Variants in STK32B observed in about 807,000 individuals in gnomAD.
STK32B encodes the protein serine/threonine-protein kinase 32B.
STK32B carries 43 observed loss-of-function variants against 52.6 expected under a neutral mutation model. The ratio of observed to expected loss-of-function variants is 0.82; its 90% confidence interval spans 0.64 to 1.05. The LOEUF is 1.05. Ranked by LOEUF, STK32B falls within the 50% of genes least tolerant of loss-of-function variation. The pLI is 0.00. For synonymous variants in STK32B, 238 were observed against 204.3 expected (o/e 1.17, Z -1.41); for missense variants, 621 against 534.6 (o/e 1.16, Z -1.59).
At chr4:5,019,959 C>T in the STK32B span, among the ~76,000 whole-genome samples, 1 of 152,168 alleles carries the variant, frequency 6.6e-6, no homozygotes, top group Admixed American at 6.5e-5. Context: ...GAGCTGCGGT[C>T]AGGCCACCGG....
chr4:5,369,131 G>T (rs1369971883), intron 4 of STK32B, among the ~76,000 whole-genome samples: 2 of 151,784 alleles, frequency 1.3e-5, no homozygotes, highest in African/African-American at 4.8e-5. Flanking sequence ...TGAAGATCTG[G>T]CTGACACTTA....
At chr4:5,166,502 C>T (rs1718880159) in intron 2 of STK32B, among the ~76,000 whole-genome samples, 1 of 147,398 alleles carries the variant, frequency 6.8e-6, no homozygotes, top group African/African-American at 2.5e-5. Context: ...GGGCCTAAGT[C>T]TACTCTGACT....
chr4:5,252,597 A>G (rs1040589978), intron 3 of STK32B, among the ~76,000 whole-genome samples: 1 of 152,088 alleles, frequency 6.6e-6, no homozygotes, highest in Non-Finnish European at 1.5e-5. Context: ...TGTCCACTCT[A>G]TTACACTTAG....
chr4:5,245,359 G>A (rs532138132), intron 3 of STK32B, among the ~76,000 whole-genome samples: 2 of 151,934 alleles, frequency 1.3e-5, no homozygotes, highest in African/African-American at 4.8e-5. Context: ...TTTTGATCTT[G>A]GTTGGTTTAA....
chr4:5,374,422 A>G (rs1019069987), intron 4 of STK32B, among the ~76,000 whole-genome samples: 4 of 152,246 alleles, frequency 2.6e-5, no homozygotes, highest in African/African-American at 4.8e-5. Flanking sequence ...AGAGTTTGTC[A>G]TAAATATAAG....
chr4:5,331,913 TAC>T (rs1244780895), intron 4 of STK32B, among the ~76,000 whole-genome samples: 1 of 152,184 alleles, frequency 6.6e-6, no homozygotes, highest in East Asian at 1.9e-4. Flanking sequence ...TGCCATGTCC[TAC>T]ACAGGTGAGC....
chr4:5,473,545 C>T (rs1184892117), intron 11 of STK32B, among the ~76,000 whole-genome samples: 3 of 152,114 alleles, frequency 2.0e-5, no homozygotes, highest in Non-Finnish European at 4.4e-5. Context: ...GTGGCAGAGC[C>T]GGGGTTCCAC....
chr4:5,311,468 A>G (rs6840341), intron 3 of STK32B, among the ~76,000 whole-genome samples: 19,406 of 152,056 alleles, frequency 0.13, 2,668 homozygotes, highest in African/African-American at 0.35. Context: ...AAATAGGAGA[A>G]CAGTAGAGAA....
chr4:5,261,552 A>C (rs958393172), intron 3 of STK32B, among the ~76,000 whole-genome samples: 1 of 152,194 alleles, frequency 6.6e-6, no homozygotes. Context: ...GTAGTTCTGC[A>C]GAGTTTGCAT....
At chr4:5,173,053 G>C (rs888732739) in intron 3 of STK32B, among the ~76,000 whole-genome samples, 112 of 152,224 alleles carry the variant, frequency 7.4e-4, no homozygotes, top group Admixed American at 2.1e-3. Context: ...TGTATGTGTC[G>C]AGGAATTTAT....
chr4:5,130,016 C>T (rs181300693), intron 1 of STK32B, among the ~76,000 whole-genome samples: 43 of 151,866 alleles, frequency 2.8e-4, no homozygotes, highest in South Asian at 2.1e-4. Flanking sequence ...GAGGTGCAGA[C>T]AATAAACAAG....
At chr4:5,317,454 TATA>T (rs1262305922) in intron 3 of STK32B, among the ~76,000 whole-genome samples, 2 of 106,040 alleles carry the variant, frequency 1.9e-5, no homozygotes, top group Non-Finnish European at 3.3e-5. Context: ...ACATAATATA[TATA>T]ATATATATGT....
intron 4 of STK32B, among the ~76,000 whole-genome samples, chr4:5,382,034 C>T (rs1053450821): frequency 4.6e-5 from 7 of 152,166 alleles, no homozygotes; most frequent in African/African-American, 7.2e-5. Context: ...TCTGCTGGCA[C>T]GATTCCCCCT....
At chr4:5,436,023 G>A (rs1195691210) in intron 6 of STK32B, 1 of 152,278 alleles carries the variant, frequency 6.6e-6, no homozygotes, top group Non-Finnish European at 1.5e-5. Context: ...GGGTGTTCCA[G>A]GAACAGCACG....
At chr4:5,230,208 T>TTTTTTTTTTTTTTTTTTTTTTTTTG (rs58022709) in intron 3 of STK32B, among the ~76,000 whole-genome samples, 2 of 103,474 alleles carry the variant, frequency 1.9e-5, no homozygotes, top group African/African-American at 3.3e-5. Flanking sequence ...TTTTTTTTTT[T>TTTTTTTTTTTTTTTTTTTTTTTTTG]TAGTGGAGTC....
At chr4:5,176,810 C>G (rs927552472) in intron 3 of STK32B, among the ~76,000 whole-genome samples, 1 of 152,104 alleles carries the variant, frequency 6.6e-6, no homozygotes, top group Admixed American at 6.6e-5. Flanking sequence ...GACAGATGCC[C>G]TTTGGTTACA....
chr4:5,380,439 A>G lies in STK32B; in HGVS notation c.435-17768A>G, dbSNP rs556522735. 7.2e-5 allele frequency among the ~76,000 whole-genome samples: 11 copies of G among 152,306 alleles called. No individual in the cohort carries two copies. The highest frequency in any genetic ancestry group is 2.4e-4 in the African/African-American group (10 of 41,572). On this transcript the variant is annotated intron_variant, in intron 4 of 11. Transcript: ENST00000282908. The surrounding 1 kb of genome is among the most constrained non-coding windows in gnomAD (Gnocchi z 4.3). ...GAGGTACAGGAATTTTCCTGATGCT[A>G]TGTCTAATTTTGTGAACAGATATTT... is the stretch of plus-strand genomic sequence containing the variant.
At chr4:5,462,357 T>TGC (rs1717099070) in intron 9 of STK32B, among the ~76,000 whole-genome samples, 1 of 151,904 alleles carries the variant, frequency 6.6e-6, no homozygotes, top group South Asian at 2.1e-4. Flanking sequence ...CCTGTGTGTG[T>TGC]GCCTATATGT....
chr4:5,146,741 GTCT>G (rs1716945698), intron 2 of STK32B, among the ~76,000 whole-genome samples: 1 of 152,178 alleles, frequency 6.6e-6, no homozygotes, highest in Non-Finnish European at 1.5e-5. Context: ...TGATTTGTAT[GTCT>G]TCTTCTGTAC....
Sources: allele counts gnomAD v4.1 joint callset (sites outside exome capture counted in the v4.1 genomes callset), GRCh38; gene constraint gnomAD v4.1.1; non-coding constraint Gnocchi (gnomAD v3.1); transcripts MANE v1.5; gene names NCBI Gene and HGNC (gene_info 2026-07-23, HGNC 2026-07-21).